The following PLAA variants were observed in gnomAD, a reference collection of about 807,000 sequenced individuals.
PLAA encodes phospholipase A2 activating protein, also known as phospholipase A-2-activating protein.
Under a neutral mutation model 84.1 loss-of-function variants are expected in PLAA, and 48 were observed. The observed-to-expected ratio is 0.57, with a 90% CI of 0.45 to 0.73. The LOEUF (loss-of-function observed/expected upper bound fraction) is 0.73, where lower values mean the gene tolerates loss of function less well. PLAA is among the 30% of genes least tolerant of loss of function. The pLI, the probability that PLAA is intolerant of heterozygous loss-of-function variation, is 0.00. For synonymous variants in PLAA, 392 were observed against 336.6 expected (o/e 1.16, Z -1.80); for missense variants, 903 against 954.7 (o/e 0.95, Z 0.71).
Position 26,947,041 on chromosome 9 carries a change from G to C in PLAA, c.5C>G (p.Thr2Arg), listed in dbSNP as rs773370935. 6.3e-7 allele frequency: 1 copy of C among 1,579,912 alleles called. No homozygotes were observed. Among genetic ancestry groups the C allele is most frequent in the South Asian group, 1.2e-5 (1 of 85,944 alleles). ...CAGCCGGTACCTGGTTGCGCCGCTC[G>C]TCATGGCCAGTGTCTGTCTGGCGCC... MTSGATRYRLSC... is the reference protein window; with the variant it reads MRSGATRYRLSC... Residue 2 changes from threonine (T) to arginine (R), a missense_variant, in exon 1 of 14, where the codon ACG (threonine) becomes AGG (arginine). Transcript: ENST00000397292.
chr9:26,941,468 A>G (rs925935804), intron 1 of PLAA, among the ~76,000 whole-genome samples: 2 of 152,206 alleles, frequency 1.3e-5, no homozygotes, highest in African/African-American at 2.4e-5. Context: ...AGCAAGCCCC[A>G]TCCAGGAGCA....
rs2131393900 is a variant in PLAA, at chr9:26,926,503, C to G, written c.623G>C (p.Cys208Ser). 2 of 1,613,460 alleles carry G rather than the reference C, an allele frequency of 1.2e-6. No individual in the cohort carries two copies. Among genetic ancestry groups the G allele is most frequent in the East Asian group, 4.5e-5 (2 of 44,788 alleles). ...AILSETEFLS[C>S]ANDASIRRWQ... Reference sequence around the variant, plus strand: ...CCTTCTAATACTAGCATCATTTGCACAGGAAAGAAATTCTGTTTCACTCAA... The same window carrying G: ...CCTTCTAATACTAGCATCATTTGCAGAGGAAAGAAATTCTGTTTCACTCAA... The change falls in exon 5 of 14, where the codon TGT (cysteine) becomes TCT (serine). Residue 208 changes from cysteine (C) to serine (S), a missense_variant. Transcript: ENST00000397292.
At chr9:26,936,246 G>T (rs1056811684) in intron 1 of PLAA, among the ~76,000 whole-genome samples, 2 of 147,922 alleles carry the variant, frequency 1.4e-5, no homozygotes, top group Non-Finnish European at 3.0e-5. Flanking sequence ...AGGCCAAGGA[G>T]AATGAAAAAA....
chr9:26,929,426 A>G (rs1825096328), intron 2 of PLAA, among the ~76,000 whole-genome samples: 1 of 152,192 alleles, frequency 6.6e-6, no homozygotes, highest in Non-Finnish European at 1.5e-5. Context: ...GTGAGCTGTG[A>G]GAGCAGCACT....
intron 6 of PLAA, among the ~76,000 whole-genome samples, chr9:26,924,954 C>CT (rs1440300840): frequency 1.3e-5 from 2 of 152,232 alleles, no homozygotes; most frequent in African/African-American, 4.8e-5. Context: ...CTCAGGAAGT[C>CT]TAAGGCCACG....
chr9:26,926,173 G>T (rs974349942), intron 5 of PLAA, among the ~76,000 whole-genome samples: 4 of 152,026 alleles, frequency 2.6e-5, no homozygotes, highest in African/African-American at 9.7e-5. Context: ...AGATACCCAA[G>T]AACTTTTTAC....
chr9:26,910,938 A>G (rs1824380424), intron 11 of PLAA, among the ~76,000 whole-genome samples: 1 of 152,130 alleles, frequency 6.6e-6, no homozygotes, highest in Non-Finnish European at 1.5e-5. Context: ...TATGTCTTTT[A>G]CTGCTTATTC....
chr9:26,942,221 A>AACCAAG (rs1376364381), intron 1 of PLAA, among the ~76,000 whole-genome samples: 2 of 152,252 alleles, frequency 1.3e-5, no homozygotes, highest in Non-Finnish European at 2.9e-5. Flanking sequence ...ATAAGGCAAC[A>AACCAAG]AGGAAGAAAA....
chr9:26,932,990 C>T, intron 2 of PLAA, among the ~76,000 whole-genome samples: 1 of 152,080 alleles, frequency 6.6e-6, no homozygotes, highest in East Asian at 1.9e-4. Context: ...CAAAAATGGG[C>T]CAGGCACGGT....
Position 26,907,678 on chromosome 9 carries a change from C to T in PLAA, c.1822+156G>A, listed in dbSNP as rs1824279207. ...GTAACGGAAACAAGATCATCAATTC[C>T]AGTAGTGTAGTGAACCCTTTTCGTG... On this transcript the variant is annotated intron_variant, in intron 13 of 13. Coordinates refer to ENST00000397292, the MANE Select transcript of PLAA (RefSeq NM_001031689.3). 23 of 582,074 alleles carry T rather than the reference C, an allele frequency of 4.0e-5. No homozygotes were observed. In the South Asian group the frequency reaches 5.6e-4, roughly 14 times the overall value. The allele number at this position is 582,074 out of a possible 1,614,324, so 36.1% of individuals were successfully genotyped here.
At chr9:26,936,174 C>G (rs1052131996) in intron 1 of PLAA, among the ~76,000 whole-genome samples, 8 of 151,848 alleles carry the variant, frequency 5.3e-5, no homozygotes, top group African/African-American at 1.9e-4. Flanking sequence ...CACTTCCTTC[C>G]CAAATTCCAC....
chr9:26,926,685 C>CT (rs1255230385), intron 4 of PLAA, 125 bp from the exon 5 acceptor site: 855 of 665,376 alleles, frequency 1.3e-3, no homozygotes, highest in South Asian at 2.0e-3. Context: ...TTAGAGAAAT[C>CT]TTTTTTTTTG....
intron 1 of PLAA, among the ~76,000 whole-genome samples, chr9:26,939,290 A>G (rs184128629): frequency 1.3e-4 from 20 of 152,200 alleles, no homozygotes; most frequent in African/African-American, 4.8e-4. Context: ...CGGGAGGCTG[A>G]GGCAGGAGAA....
chr9:26,908,754 A>T (rs1400935471), intron 12 of PLAA, among the ~76,000 whole-genome samples: 1 of 151,548 alleles, frequency 6.6e-6, no homozygotes, highest in African/African-American at 2.4e-5. Context: ...CATTACAGGC[A>T]TGAGCCACCA....
Position 26,904,029 on chromosome 9 carries a change from T to C in PLAA, c.*1482A>G, listed in dbSNP as rs773731527. 2 of 153,640 alleles carry C rather than the reference T, an allele frequency of 1.3e-5. No individual in the cohort carries two copies. Among genetic ancestry groups the C allele is most frequent in the South Asian group, 4.1e-4 (2 of 4,830 alleles). The allele number at this position is 153,640 out of a possible 1,614,324, so 9.5% of individuals were successfully genotyped here. On this transcript the variant is annotated 3_prime_UTR_variant, in exon 14 of 14. Transcript: ENST00000397292. The stretch of plus-strand genomic sequence containing the variant: ...AAACCCAATCAAAAAACGAAAAGTA[T>C]AGGTACTCAACTGAGCCAGTGAACA...
intron 1 of PLAA, 49 bp downstream of exon 1, chr9:26,946,848 T>C: frequency 6.6e-7 from 1 of 1,522,468 alleles, no homozygotes; most frequent in Non-Finnish European, 8.8e-7. Flanking sequence ...CCTTCCACTC[T>C]CCGGGAAGCG....
intron 1 of PLAA, among the ~76,000 whole-genome samples, chr9:26,946,318 A>G (rs1216087085): frequency 6.6e-6 from 1 of 151,950 alleles, no homozygotes; most frequent in East Asian, 1.9e-4. Flanking sequence ...TTTGAAGGCA[A>G]TGGATGCTGC....
At chr9:26,932,891 T>C (rs930151958) in intron 2 of PLAA, among the ~76,000 whole-genome samples, 7 of 152,138 alleles carry the variant, frequency 4.6e-5, no homozygotes, top group South Asian at 2.1e-4. Flanking sequence ...ACCCAGAACT[T>C]TGGGAGACTG....
At position 26,935,079 on chromosome 9, in the gene PLAA, T is replaced by C; in HGVS notation, c.277A>G (p.Asn93Asp). 6.2e-7 allele frequency: 1 copy of C among 1,610,656 alleles called. No homozygotes were observed. The highest frequency in any genetic ancestry group is 1.3e-5 in the African/African-American group (1 of 74,878). The change falls in exon 2 of 14, where the codon AAT becomes GAT. Residue 93 changes from asparagine to aspartate, a missense_variant. By Grantham distance (23) the Asn-to-Asp change is conservative. Transcript: ENST00000397292. ...CTGTCCAGTGAGAAAATGCATATAT[T>C]GTGGTCATTTCCACCGGTGGCAATT... The part of the protein sequence containing the change: ...GLIATGGNDH[N>D]ICIFSLDSPM...
Sources: allele counts gnomAD v4.1 joint callset (sites outside exome capture counted in the v4.1 genomes callset), GRCh38; gene constraint gnomAD v4.1.1; transcripts MANE v1.5; gene names NCBI Gene and HGNC (gene_info 2026-07-23, HGNC 2026-07-21).